SKP2: variants seen among roughly 807,000 people sequenced by gnomAD.
SKP2 encodes S-phase kinase-associated protein 2.
Under a neutral mutation model 51.8 loss-of-function variants are expected in SKP2, and 16 were observed. The observed-to-expected ratio is 0.31, with a 90% confidence interval of 0.21 to 0.47. The LOEUF (loss-of-function observed/expected upper bound fraction) is 0.47, where lower values mean the gene tolerates loss of function less well. SKP2 is among the 20% of genes least tolerant of loss of function. The pLI is 1.00. For synonymous variants in SKP2, 176 were observed against 198.6 expected, an observed-to-expected ratio of 0.89 and a Z score of 0.96; for missense variants, 377 against 505.3, an observed-to-expected ratio of 0.75 and a Z score of 2.43.
At chr5:36,158,450 G>A (rs1745020455) in intron 2 of SKP2, among the ~76,000 whole-genome samples, 1 of 152,168 alleles carries the variant, frequency 6.6e-6, no homozygotes, top group Non-Finnish European at 1.5e-5. Context: ...CCCCCACCCG[G>A]GGCCCCTAGG....
At chr5:36,190,645 A>AT (rs1156395298) in intron 6 of SKP2, among the ~76,000 whole-genome samples, 1 of 136,276 alleles carries the variant, frequency 7.3e-6, no homozygotes, top group East Asian at 2.3e-4. Flanking sequence ...TATCACCACT[A>AT]TGCCTTTTTT....
chr5:36,164,341 G>C (rs1745219971), intron 3 of SKP2, among the ~76,000 whole-genome samples: 1 of 152,232 alleles, frequency 6.6e-6, no homozygotes, highest in African/African-American at 2.4e-5. Context: ...CATTGGTGGG[G>C]TTGTGCTCTT....
rs959174442 is a variant in SKP2, at chr5:36,152,128, G to C, written c.-135G>C. The C allele has an allele frequency of 2.1e-5, 19 of 889,052 alleles. No homozygotes were observed. In the Admixed American group the frequency reaches 3.4e-4, roughly 16 times the overall value. 55.1% of individuals were successfully genotyped at this position (889,052 alleles called of 1,614,324 possible). ...GCGCGCGCAGTGGGGATGGAACGTT[G>C]CTAGGCTTAGCGGGTCTGGCTGCTG... On this transcript the variant is annotated 5_prime_UTR_variant, in exon 1 of 10. Transcript: ENST00000274255.
chr5:36,171,561 G>A, intron 6 of SKP2, 42 bp from the exon 7 acceptor site: 1 of 1,595,268 alleles, frequency 6.3e-7, no homozygotes, highest in Non-Finnish European at 8.6e-7. Flanking sequence ...TCATTCCCGT[G>A]TGATGGTTTC....
chr5:36,184,857 G>C (rs1307829616), downstream of SKP2, among the ~76,000 whole-genome samples: 2 of 152,194 alleles, frequency 1.3e-5, no homozygotes, highest in Non-Finnish European at 2.9e-5. Context: ...CACAATGGTT[G>C]TACCAGTTTA....
Position 36,166,532 on chromosome 5 carries a change from C to G in SKP2, c.406C>G (p.Leu136Val), listed in dbSNP as rs757452584. 1.2e-6 allele frequency: 2 copies of G among 1,614,076 alleles called. No homozygotes were observed. The highest frequency in any genetic ancestry group is 2.2e-5 in the South Asian group (2 of 91,082). Residue 136 changes from leucine (L) to valine (V), a missense_variant, in exon 4 of 10, where the codon CTA becomes GTA. Physicochemically the swap from Leu to Val is conservative, Grantham distance 32. Coordinates refer to ENST00000274255, the MANE Select transcript of SKP2 (RefSeq NM_005983.4). The stretch of plus-strand genomic sequence containing the variant: ...CCTCTTTTATAGGTCTGATGAGTCT[C>G]TATGGCAGACCTTAGACCTCACAGG... The part of the protein sequence containing the change: ...RWYRLASDES[L>V]WQTLDLTGKN...
At chr5:36,175,070 G>C (rs968351496) in intron 7 of SKP2, among the ~76,000 whole-genome samples, 5 of 152,110 alleles carry the variant, frequency 3.3e-5, no homozygotes, top group African/African-American at 1.2e-4. Context: ...AAAGGCTGTA[G>C]CGGGGAAGTA....
At chr5:36,188,474 T>C (rs539446967), downstream of SKP2, among the ~76,000 whole-genome samples, 172 of 152,296 alleles carry the variant, frequency 1.1e-3, no homozygotes, top group African/African-American at 3.9e-3. Context: ...GATTTTATTT[T>C]TCCTTCACTT....
chr5:36,168,829 A>G (rs1745379057), intron 5 of SKP2, among the ~76,000 whole-genome samples: 1 of 152,260 alleles, frequency 6.6e-6, no homozygotes, highest in African/African-American at 2.4e-5. Flanking sequence ...AAGGTAAACT[A>G]TTTATGAGCA....
intron 9 of SKP2, among the ~76,000 whole-genome samples, chr5:36,180,701 G>C (rs1745778746): frequency 6.6e-6 from 1 of 152,148 alleles, no homozygotes; most frequent in Non-Finnish European, 1.5e-5. Context: ...ACATGAGCTA[G>C]GCTTTAGGAG....
chr5:36,169,947 A>T (rs1745415258), intron 5 of SKP2, among the ~76,000 whole-genome samples: 1 of 152,182 alleles, frequency 6.6e-6, no homozygotes, highest in African/African-American at 2.4e-5. Context: ...AATTTGAGAG[A>T]TGTATAATCA....
chr5:36,187,768 G>A (rs1425314859), downstream of SKP2, among the ~76,000 whole-genome samples: 6 of 152,192 alleles, frequency 3.9e-5, no homozygotes, highest in Non-Finnish European at 1.5e-5. Context: ...GTGGAGAGCT[G>A]AGTTCAATTC....
chr5:36,155,599 A>G (rs1358377944), intron 2 of SKP2, among the ~76,000 whole-genome samples: 1 of 152,172 alleles, frequency 6.6e-6, no homozygotes, highest in Non-Finnish European at 1.5e-5. Flanking sequence ...TGTTTTTAAT[A>G]TTGTTACTCT....
chr5:36,171,605 TG>T lies in SKP2; in HGVS notation c.775del (p.Asp259MetfsTer3). ...LQTLLSSCSR[L>X]DELNLSWCFD... ...TTTATTACCCCTCTTTTGTGCAGACTGGATGAGCTGAACCTCTCCTGGTGTT... is the reference window on the plus strand; with the variant it reads ...TTTATTACCCCTCTTTTGTGCAGACTGATGAGCTGAACCTCTCCTGGTGTT... On this transcript the variant is annotated frameshift_variant, in exon 7 of 10. Coordinates refer to ENST00000274255, the MANE Select transcript of SKP2 (RefSeq NM_005983.4). LOFTEE classifies it high-confidence loss of function. The T allele has an allele frequency of 6.2e-7, 1 of 1,613,702 alleles. No individual in the cohort carries two copies. The highest frequency in any genetic ancestry group is 8.5e-7 in the Non-Finnish European group (1 of 1,179,666).
chr5:36,166,362 T>C (rs1371041523), intron 3 of SKP2, among the ~76,000 whole-genome samples, 157 bp from the exon 4 acceptor site: 3 of 152,238 alleles, frequency 2.0e-5, no homozygotes, highest in Non-Finnish European at 4.4e-5. Flanking sequence ...CTTAAAAATA[T>C]CATAGCTAAT....
downstream of SKP2, among the ~76,000 whole-genome samples, chr5:36,188,470 AT>A (rs1745976355): frequency 6.6e-6 from 1 of 152,060 alleles, no homozygotes; most frequent in Admixed American, 6.5e-5. Context: ...AAAGGATTTT[AT>A]TTTTCCTTCA....
Position 36,182,416 on chromosome 5 carries a change from T to C in SKP2, c.*385T>C, listed in dbSNP as rs1745840155. 1 of 1,002,968 alleles carries C rather than the reference T, an allele frequency of 1.0e-6. No homozygotes were observed. Among genetic ancestry groups the C allele is most frequent in the Non-Finnish European group, 1.2e-6 (1 of 839,394 alleles). 62.1% of individuals were successfully genotyped at this position (1,002,968 alleles called of 1,614,324 possible). A position where few individuals can be genotyped will look rare whatever the true frequency, so the allele number is the denominator to read the frequency against. On this transcript the variant is annotated 3_prime_UTR_variant, in exon 10 of 10. Transcript: ENST00000274255. ...TCATAGCCCATATAACTTTTATCTA[T>C]TTAATTTTATAGTATTGCTTTATAA...
At position 36,177,017 on chromosome 5, in the gene SKP2, G is replaced by T; in HGVS notation, c.953+1G>T. 8 of 1,584,274 alleles carry T rather than the reference G, an allele frequency of 5.0e-6. No individual in the cohort carries two copies. Among genetic ancestry groups the T allele is most frequent in the Non-Finnish European group, 6.9e-6 (8 of 1,159,690 alleles). On this transcript the variant is annotated splice_donor_variant, in intron 8 of 9. Coordinates refer to ENST00000274255, the MANE Select transcript of SKP2 (RefSeq NM_005983.4). LOFTEE classifies it high-confidence loss of function. ...CCAATCTTGTCCATCTAGACTTAAG[G>T]TATTTTTTTATTTGTTTATTTTAGA...
intron 2 of SKP2, among the ~76,000 whole-genome samples, chr5:36,154,531 CTT>C (rs1176709955): frequency 6.6e-6 from 1 of 152,036 alleles, no homozygotes; most frequent in Non-Finnish European, 1.5e-5. Context: ...AACTTAGGGT[CTT>C]TTTTAAATTT....
Sources: allele counts gnomAD v4.1 joint callset (sites outside exome capture counted in the v4.1 genomes callset), GRCh38; gene constraint gnomAD v4.1.1; transcripts MANE v1.5; gene names NCBI Gene and HGNC (gene_info 2026-07-23, HGNC 2026-07-21).